Variants in CCDC102B observed in about 807,000 individuals in gnomAD.
CCDC102B encodes coiled-coil domain containing 102B.
A neutral mutation model predicts 57.4 loss-of-function variants in CCDC102B; 75 were observed. That is an observed-to-expected ratio of 1.31 (90% CI 1.08 to 1.58). CCDC102B has a LOEUF of 1.58. CCDC102B is among the 40% of genes most tolerant of loss of function. CCDC102B has a pLI of 0.00. For missense variants in CCDC102B, 636 were observed against 582.6 expected, an observed-to-expected ratio of 1.09 and a Z score of -0.94; for synonymous variants, 206 against 201.9, an observed-to-expected ratio of 1.02 and a Z score of -0.17.
At chr18:68,810,663 T>G (rs1599495284) in intron 1 of CCDC102B, among the ~76,000 whole-genome samples, 1 of 120,704 alleles carries the variant, frequency 8.3e-6, no homozygotes, top group African/African-American at 3.4e-5. Context: ...TTTGAAAAAT[T>G]TTCTTTTCTT....
intron 1 of CCDC102B, among the ~76,000 whole-genome samples, chr18:68,826,701 T>C (rs2036917429): frequency 6.6e-6 from 1 of 152,178 alleles, no homozygotes; most frequent in Non-Finnish European, 1.5e-5. Context: ...ATTTTTTTCT[T>C]TTCCATTTTA....
chr18:68,872,025 G>A (rs766966769), intron 4 of CCDC102B, among the ~76,000 whole-genome samples: 16 of 152,052 alleles, frequency 1.1e-4, no homozygotes, highest in Admixed American at 3.3e-4. Flanking sequence ...TGAAGGGCAA[G>A]CTGATTGAGT....
intron 1 of CCDC102B, among the ~76,000 whole-genome samples, chr18:68,818,105 T>C (rs1213821923): frequency 6.6e-6 from 1 of 152,174 alleles, no homozygotes; most frequent in African/African-American, 2.4e-5. Context: ...TGAGACTCAT[T>C]GAGTTTGTGC....
At position 68,943,744 on chromosome 18, in the gene CCDC102B, G is replaced by A. The variant is rs144768525; in HGVS notation, c.1263+46316G>A. Reference sequence around the variant, plus strand: ...CAATTAAGAGTCCTTTATTTAAGCCGGCGGCCAAAGAGATGGCCAATGCTC... The same window carrying A: ...CAATTAAGAGTCCTTTATTTAAGCCAGCGGCCAAAGAGATGGCCAATGCTC... On this transcript the variant is annotated intron_variant, in intron 6 of 7. Transcript: ENST00000360242. 3.8e-4 allele frequency among the ~76,000 whole-genome samples: 58 copies of A among 152,212 alleles called. No homozygotes were observed. The East Asian group carries it at 5.4e-3, about 14-fold the overall frequency.
At chr18:68,813,774 T>TTATATATATATATATATATATA (rs142225933) in intron 1 of CCDC102B, among the ~76,000 whole-genome samples, 23 of 145,968 alleles carry the variant, frequency 1.6e-4, no homozygotes, top group African/African-American at 5.3e-4. Flanking sequence ...AAATATAATT[T>TTATATATATATATATATATATA]TATATATATA....
At chr18:69,013,740 G>A (rs2051584345) in intron 7 of CCDC102B, among the ~76,000 whole-genome samples, 1 of 152,248 alleles carries the variant, frequency 6.6e-6, no homozygotes, top group East Asian at 1.9e-4. Context: ...CTTAAAAAAA[G>A]TGAACTCAGA....
chr18:68,815,708 T>A lies in CCDC102B; in HGVS notation c.-16+17527T>A, dbSNP rs897602044. ...CACACACACACACACACACACACACTGAACTCTGGTTTTCAAATAGTTTTG... is the reference window on the plus strand; with the variant it reads ...CACACACACACACACACACACACACAGAACTCTGGTTTTCAAATAGTTTTG... On this transcript the variant is annotated intron_variant, in intron 1 of 7. Transcript: ENST00000360242. Among the ~76,000 whole-genome samples the A allele has an allele frequency of 7.4e-3, 840 of 113,564 alleles. 8 individuals are homozygous for A. Among genetic ancestry groups the A allele is most frequent in the Non-Finnish European group, 6.5e-3 (381 of 58,546 alleles). 74.5% of individuals were successfully genotyped at this position (113,564 alleles called of 152,430 possible).
At chr18:68,894,851 T>C (rs1331371013) in intron 5 of CCDC102B, among the ~76,000 whole-genome samples, 4 of 151,894 alleles carry the variant, frequency 2.6e-5, no homozygotes, top group Non-Finnish European at 5.9e-5. Flanking sequence ...AGAGTTAAAA[T>C]TTATTCATTC....
intron 1 of CCDC102B, among the ~76,000 whole-genome samples, chr18:68,804,289 G>A (rs976096846): frequency 2.2e-4 from 32 of 148,788 alleles, no homozygotes; most frequent in Non-Finnish European, 3.0e-4. Context: ...TAGATGTGAG[G>A]GGAGTTCAAG....
At chr18:68,933,762 T>C (rs2041756661) in intron 6 of CCDC102B, among the ~76,000 whole-genome samples, 1 of 151,948 alleles carries the variant, frequency 6.6e-6, no homozygotes, top group Non-Finnish European at 1.5e-5. Context: ...TATGATCATA[T>C]AAATGTAATT....
At chr18:68,940,264 C>G (rs951410840) in intron 6 of CCDC102B, among the ~76,000 whole-genome samples, 1 of 151,742 alleles carries the variant, frequency 6.6e-6, no homozygotes, top group African/African-American at 2.4e-5. Context: ...AAATCGTTTT[C>G]AGATATTAGG....
At chr18:68,915,721 T>A (rs1276697522) in intron 6 of CCDC102B, among the ~76,000 whole-genome samples, 1 of 152,234 alleles carries the variant, frequency 6.6e-6, no homozygotes, top group African/African-American at 2.4e-5. Flanking sequence ...ATATGAGGAA[T>A]GCCTCTCTCA....
intron 7 of CCDC102B, among the ~76,000 whole-genome samples, chr18:69,049,031 A>G (rs935575498): frequency 3.3e-5 from 5 of 151,798 alleles, no homozygotes; most frequent in African/African-American, 1.2e-4. Context: ...AAAGGTTTTA[A>G]GATTTTCTTT....
At chr18:68,931,926 G>A (rs1049438016) in intron 6 of CCDC102B, among the ~76,000 whole-genome samples, 2 of 151,922 alleles carry the variant, frequency 1.3e-5, no homozygotes, top group Non-Finnish European at 2.9e-5. Context: ...TCTTTTAATT[G>A]CAATTCATAG....
chr18:69,024,833 T>TAATC (rs2051940855), intron 7 of CCDC102B, among the ~76,000 whole-genome samples: 3 of 152,048 alleles, frequency 2.0e-5, no homozygotes, highest in Admixed American at 6.6e-5. Flanking sequence ...CACTAACTGA[T>TAATC]AATTTTAAGA....
At chr18:68,868,670 A>G (rs1303975047) in intron 4 of CCDC102B, among the ~76,000 whole-genome samples, 3 of 152,204 alleles carry the variant, frequency 2.0e-5, no homozygotes, top group African/African-American at 7.2e-5. Context: ...TTGCTCATAT[A>G]CCCTTATGCT....
At chr18:69,016,768 T>A (rs1468229520) in intron 7 of CCDC102B, among the ~76,000 whole-genome samples, 1 of 152,202 alleles carries the variant, frequency 6.6e-6, no homozygotes, top group African/African-American at 2.4e-5. Flanking sequence ...TTGGATTTTT[T>A]CCCAATATAA....
chr18:68,765,793 A>G lies in CCDC102B; in HGVS notation c.-67+49199A>G, dbSNP rs1011771428. Among the ~76,000 whole-genome samples, 5 of 152,274 alleles carry G rather than the reference A, an allele frequency of 3.3e-5. No individual in the cohort carries two copies. The East Asian group carries it at 5.8e-4, about 18-fold the overall frequency. On this transcript the variant is annotated intron_variant, in intron 2 of 3. Coordinates refer to the CCDC102B transcript ENST00000578970. ...CTATCAACCATATTTAATATAACAT[A>G]TATGATTCTTAGACTTATTCTGATG... is the stretch of plus-strand genomic sequence containing the variant.
chr18:68,768,747 T>G (rs188734979), intron 2 of CCDC102B, among the ~76,000 whole-genome samples: 124 of 151,974 alleles, frequency 8.2e-4, no homozygotes, highest in Middle Eastern at 3.4e-3. Flanking sequence ...TATCAATATT[T>G]ATTTCTTATT....
Sources: allele counts gnomAD v4.1 joint callset (sites outside exome capture counted in the v4.1 genomes callset), GRCh38; gene constraint gnomAD v4.1.1; transcripts MANE v1.5; gene names NCBI Gene and HGNC (gene_info 2026-07-23, HGNC 2026-07-21).